Variants in RGS6 observed in about 807,000 individuals in gnomAD.
RGS6 encodes regulator of G protein signaling 6.
Under a neutral mutation model 78.5 loss-of-function variants are expected in RGS6, and 30 were observed. The observed-to-expected ratio is 0.38, with a 90% confidence interval of 0.29 to 0.52. The LOEUF is 0.52. Among genes scored for constraint, RGS6 ranks in the 20% least tolerant of loss-of-function variants. The probability of loss-of-function intolerance (pLI) is 0.85; values close to 1 mark genes in which losing one functional copy is unlikely to be tolerated. For synonymous variants in RGS6, 206 were observed against 206.0 expected (o/e 1.00, Z 0.00); for missense variants, 495 against 609.7 (o/e 0.81, Z 1.98).
chr14:72,236,935 A>G (rs2051232600), intron 2 of RGS6, among the ~76,000 whole-genome samples: 2 of 152,228 alleles, frequency 1.3e-5, no homozygotes, highest in Admixed American at 6.5e-5. Flanking sequence ...CTTACCACCC[A>G]GAATGGTGAT....
At chr14:72,279,208 G>A (rs2061194231) in intron 2 of RGS6, among the ~76,000 whole-genome samples, 2 of 151,940 alleles carry the variant, frequency 1.3e-5, no homozygotes, top group African/African-American at 2.4e-5. Flanking sequence ...GGGAACCTGT[G>A]AGGTTGGACT....
chr14:72,300,719 G>T (rs2065878233), intron 2 of RGS6, among the ~76,000 whole-genome samples: 1 of 152,338 alleles, frequency 6.6e-6, no homozygotes, highest in East Asian at 1.9e-4. Context: ...CTCCTTGAAT[G>T]CAGGCATGCG....
rs186449368 is a variant in RGS6 at position 71,945,539 on chromosome 14, T to G, written c.-21+12598T>G. On this transcript the variant is annotated intron_variant, in intron 1 of 17. Transcript: ENST00000553525. The stretch of plus-strand genomic sequence containing the variant: ...TCAAAAGCATGTTTTGTTTGTACAT[T>G]ACACAGATAGAAAGTTTTTACTCCC... 3.3e-5 allele frequency among the ~76,000 whole-genome samples: 5 copies of G among 152,350 alleles called. No individual in the cohort carries two copies. The East Asian group carries it at 9.6e-4, about 29-fold the overall frequency.
chr14:72,008,420 G>A (rs1280106741), intron 2 of RGS6, among the ~76,000 whole-genome samples: 1 of 152,122 alleles, frequency 6.6e-6, no homozygotes, highest in East Asian at 1.9e-4. Flanking sequence ...GTCCTTGGGA[G>A]CCAAAGGGTG....
chr14:72,622,780 G>A, the RGS6 span, among the ~76,000 whole-genome samples: 1 of 151,980 alleles, frequency 6.6e-6, no homozygotes, highest in African/African-American at 2.4e-5. Context: ...AGCAGAATGG[G>A]AATCCCATTC....
intron 3 of RGS6, among the ~76,000 whole-genome samples, chr14:72,406,168 T>C (rs903030621): frequency 1.9e-4 from 29 of 152,154 alleles, no homozygotes; most frequent in African/African-American, 6.7e-4. Context: ...AGGCAGATCA[T>C]GAGGTCAGGA....
chr14:72,360,885 G>A (rs2081314846), intron 3 of RGS6, among the ~76,000 whole-genome samples: 3 of 152,122 alleles, frequency 2.0e-5, no homozygotes, highest in Admixed American at 6.5e-5. Flanking sequence ...GATCGTGGGG[G>A]TGGTTTCCTC....
intron 3 of RGS6, among the ~76,000 whole-genome samples, chr14:72,396,162 AT>A (rs2091210843): frequency 6.6e-6 from 1 of 152,158 alleles, no homozygotes; most frequent in Non-Finnish European, 1.5e-5. Flanking sequence ...GTGTAAAAGC[AT>A]TCCTATTTCT....
intron 2 of RGS6, among the ~76,000 whole-genome samples, chr14:72,178,389 A>G (rs761491831): frequency 6.6e-6 from 1 of 152,126 alleles, no homozygotes; most frequent in African/African-American, 2.4e-5. Context: ...ATTCTGGCAT[A>G]TTACCAGAGG....
At chr14:72,052,196 G>C (rs1463250402) in intron 2 of RGS6, among the ~76,000 whole-genome samples, 3 of 152,066 alleles carry the variant, frequency 2.0e-5, no homozygotes, top group Non-Finnish European at 2.9e-5. Flanking sequence ...AAGCCTCCTG[G>C]TATATACCTT....
intron 3 of RGS6, among the ~76,000 whole-genome samples, chr14:72,387,622 A>G (rs2088632186): frequency 6.6e-6 from 1 of 152,098 alleles, no homozygotes; most frequent in African/African-American, 2.4e-5. Context: ...TTTTACAAAG[A>G]AAAAAATGTA....
At chr14:71,944,050 A>T (rs898113671) in intron 1 of RGS6, among the ~76,000 whole-genome samples, 9 of 152,102 alleles carry the variant, frequency 5.9e-5, no homozygotes, top group African/African-American at 2.2e-4. Flanking sequence ...TGTCTATTCC[A>T]TTGGGCTTTG....
chr14:72,488,151 C>G (rs2239274), intron 12 of RGS6, among the ~76,000 whole-genome samples: 22,060 of 152,226 alleles, frequency 0.14, 1,669 homozygotes, highest in Admixed American at 0.19. Flanking sequence ...CAATAAATTT[C>G]CCTTCCGACC....
chr14:72,469,625 G>A (rs1460390539), intron 7 of RGS6: 1 of 160,332 alleles, frequency 6.2e-6, no homozygotes, highest in Non-Finnish European at 1.4e-5. Flanking sequence ...TCCAGCCTTT[G>A]GTTTTGCTCC....
chr14:72,260,416 A>G (rs888900491), intron 2 of RGS6, among the ~76,000 whole-genome samples: 1 of 152,238 alleles, frequency 6.6e-6, no homozygotes, highest in Non-Finnish European at 1.5e-5. Flanking sequence ...GCTGCTAGAC[A>G]TGGATATAGA....
the RGS6 span, among the ~76,000 whole-genome samples, chr14:71,875,067 G>T: frequency 6.6e-6 from 1 of 152,100 alleles, no homozygotes; most frequent in Admixed American, 6.6e-5. Flanking sequence ...AAGGATTTTT[G>T]CATCGATGTT....
Position 72,562,458 on chromosome 14 carries a change from G to A in RGS6, c.1464G>A (p.Gln488=). ...GCAAGCGCCTCACGGGCCTGATGCA[G>A]TCCTCCTGACCGTTCCTACCGCAGG... is the stretch of plus-strand genomic sequence containing the variant. The part of the protein sequence containing the change: ...LAGKRLTGLM[Q]SS The change falls in exon 18 of 18, where the codon CAG becomes CAA. Residue 488 remains glutamine (Q), a synonymous_variant. Transcript: ENST00000553525. 1 of 1,612,778 alleles carries A rather than the reference G, an allele frequency of 6.2e-7. No homozygotes were observed. Among genetic ancestry groups the A allele is most frequent in the Non-Finnish European group, 8.5e-7 (1 of 1,180,042 alleles).
At chr14:72,009,762 A>G (rs950345708) in intron 2 of RGS6, among the ~76,000 whole-genome samples, 4 of 152,216 alleles carry the variant, frequency 2.6e-5, no homozygotes, top group African/African-American at 9.6e-5. Context: ...TTTGCTTCAC[A>G]GCAATAGGTA....
intron 15 of RGS6, 45 bp downstream of exon 15, chr14:72,518,582 C>T (rs1286835162): frequency 6.4e-7 from 1 of 1,556,086 alleles, no homozygotes; most frequent in Non-Finnish European, 8.8e-7. Flanking sequence ...GTTCATTTGT[C>T]CCCTTCATTG....
Sources: allele counts gnomAD v4.1 joint callset (sites outside exome capture counted in the v4.1 genomes callset), GRCh38; gene constraint gnomAD v4.1.1; transcripts MANE v1.5; gene names NCBI Gene and HGNC (gene_info 2026-07-23, HGNC 2026-07-21).